CDYL2: variants seen among roughly 807,000 people sequenced by gnomAD.
The protein encoded by CDYL2 is chromodomain Y like 2, also known as chromodomain Y-like protein 2.
A neutral mutation model predicts 49.4 loss-of-function variants in CDYL2; 23 were observed. The ratio of observed to expected loss-of-function variants is 0.47; its 90% CI spans 0.34 to 0.66. CDYL2 has a LOEUF of 0.66. CDYL2 is among the 30% of genes least tolerant of loss of function. The pLI, the probability that CDYL2 is intolerant of heterozygous loss-of-function variation, is 0.01. For missense variants in CDYL2, 678 were observed against 656.4 expected (o/e 1.03, Z -0.36); for synonymous variants, 360 against 268.8 (o/e 1.34, Z -3.32).
At chr16:80,608,267 G>A (rs1332921262) in intron 5 of CDYL2, 32 bp from the exon 6 acceptor site, 1 of 1,531,842 alleles carries the variant, frequency 6.5e-7, no homozygotes, top group South Asian at 1.2e-5. Flanking sequence ...AAGACTGAGG[G>A]CCTGGAGGTC....
At chr16:80,688,274 T>C (rs967661222) in intron 1 of CDYL2, among the ~76,000 whole-genome samples, 2 of 152,162 alleles carry the variant, frequency 1.3e-5, no homozygotes, top group African/African-American at 4.8e-5. Flanking sequence ...CCAATACCAA[T>C]GATGAGCAGT....
intron 1 of CDYL2, among the ~76,000 whole-genome samples, chr16:80,716,076 A>G (rs1348222439): frequency 6.6e-6 from 1 of 152,250 alleles, no homozygotes; most frequent in Non-Finnish European, 1.5e-5. Context: ...ATAAGGATGA[A>G]AAGTCAGTCC....
At chr16:80,635,619 G>A (rs960687463) in intron 2 of CDYL2, among the ~76,000 whole-genome samples, 20 of 152,150 alleles carry the variant, frequency 1.3e-4, no homozygotes, top group African/African-American at 4.1e-4. Context: ...AATCAATATC[G>A]TAAAAATGGC....
chr16:80,770,087 A>G (rs867264681), intron 1 of CDYL2, among the ~76,000 whole-genome samples: 1 of 152,130 alleles, frequency 6.6e-6, no homozygotes, highest in Non-Finnish European at 1.5e-5. Flanking sequence ...AGACGAGTTA[A>G]AACAATTGTC....
intron 2 of CDYL2, among the ~76,000 whole-genome samples, chr16:80,660,692 ATAAAATAATAAAGATGTGTG>A (rs1395796204): frequency 6.6e-6 from 1 of 152,216 alleles, no homozygotes; most frequent in East Asian, 1.9e-4. Flanking sequence ...ATCACACTGG[ATAAAATAATAAAGATGTGTG>A]TAAGATTTCC....
At chr16:80,679,745 C>T (rs998225800) in intron 2 of CDYL2, 2 of 456,114 alleles carry the variant, frequency 4.4e-6, no homozygotes, top group African/African-American at 4.0e-5. Flanking sequence ...ACCTGGCAGG[C>T]ACAACACCAT....
chr16:80,636,349 A>G (rs530217014), intron 2 of CDYL2, among the ~76,000 whole-genome samples: 1 of 152,350 alleles, frequency 6.6e-6, no homozygotes, highest in African/African-American at 2.4e-5. Context: ...AAGGAACTTA[A>G]ACAAATTTAC....
At chr16:80,738,662 T>G (rs1337668108) in intron 1 of CDYL2, 1 of 152,192 alleles carries the variant, frequency 6.6e-6, no homozygotes, top group Non-Finnish European at 1.5e-5. Context: ...CTTTTTCAGG[T>G]GATAAAAATA....
chr16:80,604,368 G>A lies in CDYL2; in HGVS notation c.*20C>T, dbSNP rs780979924. On this transcript the variant is annotated 3_prime_UTR_variant, in exon 7 of 7. Coordinates refer to ENST00000570137, the MANE Select transcript of CDYL2 (RefSeq NM_152342.4). Reference sequence around the variant, plus strand: ...ACACAGGGCAGAGCTGGAAGTTGGGGGCCCGTGAGCTGGGGCCCCTCAGAC... The same window carrying A: ...ACACAGGGCAGAGCTGGAAGTTGGGAGCCCGTGAGCTGGGGCCCCTCAGAC... 1.2e-6 allele frequency: 2 copies of A among 1,613,484 alleles called. No homozygotes were observed. Among genetic ancestry groups the A allele is most frequent in the South Asian group, 1.1e-5 (1 of 91,012 alleles).
intron 2 of CDYL2, among the ~76,000 whole-genome samples, chr16:80,648,063 A>G (rs1908427032): frequency 1.3e-5 from 2 of 152,170 alleles, no homozygotes; most frequent in African/African-American, 4.8e-5. Context: ...AAAAAGAAGA[A>G]AAACTTCAAA....
intron 1 of CDYL2, among the ~76,000 whole-genome samples, chr16:80,769,901 C>T (rs890213385): frequency 1.3e-5 from 2 of 151,694 alleles, no homozygotes; most frequent in Non-Finnish European, 2.9e-5. Flanking sequence ...AATACCACAC[C>T]CACGAAATGG....
intron 1 of CDYL2, among the ~76,000 whole-genome samples, chr16:80,800,844 G>A (rs41338245): frequency 0.077 from 11,740 of 152,238 alleles, 491 homozygotes; most frequent in Middle Eastern, 0.12. Flanking sequence ...CTATCCCACT[G>A]ATTATTTCTT....
In CDYL2 at chr16:80,612,656, G is replaced by A. The variant is rs750001177; in HGVS notation, c.1188C>T (p.Tyr396=). 1.2e-6 allele frequency: 2 copies of A among 1,612,326 alleles called. No homozygotes were observed. Among genetic ancestry groups the A allele is most frequent in the Admixed American group, 1.7e-5 (1 of 59,940 alleles). The change falls in exon 5 of 7, where the codon TAC becomes TAT. Residue 396 remains tyrosine (Y), a synonymous_variant. Coordinates refer to ENST00000570137, the MANE Select transcript of CDYL2 (RefSeq NM_152342.4). This position sits in a 1 kb window ranked among gnomAD's most constrained non-coding sequence, Gnocchi z 5.0. ...CGACGCCCAGGATCTGGGGGAAGGT[G>A]TAGGAGGAGCAGCCAGCAGGCGTGA... ...IRLTPAGCSS[Y]TFPQILGVAL...
intron 1 of CDYL2, among the ~76,000 whole-genome samples, chr16:80,789,495 G>C (rs1907542054): frequency 6.6e-6 from 1 of 152,048 alleles, no homozygotes; most frequent in South Asian, 2.1e-4. Context: ...AGCTACTCAG[G>C]AGGCTGAGGC....
At chr16:80,774,741 T>G (rs1040666173) in intron 1 of CDYL2, among the ~76,000 whole-genome samples, 1 of 151,740 alleles carries the variant, frequency 6.6e-6, no homozygotes, top group Non-Finnish European at 1.5e-5. Context: ...ATCTGAAGAG[T>G]ATTTTCAACA....
At chr16:80,782,831 G>T (rs1054794694) in intron 1 of CDYL2, among the ~76,000 whole-genome samples, 2 of 152,006 alleles carry the variant, frequency 1.3e-5, no homozygotes, top group African/African-American at 4.8e-5. Flanking sequence ...TGAAAAACTA[G>T]TAATAAAATG....
intron 1 of CDYL2, among the ~76,000 whole-genome samples, chr16:80,687,570 C>CTGGA (rs907677865): frequency 8.6e-5 from 13 of 151,494 alleles, no homozygotes; most frequent in Non-Finnish European, 1.0e-4. Context: ...GGCTGGCTGG[C>CTGGA]TGGATGGATG....
At chr16:80,727,800 C>A (rs376863221) in intron 1 of CDYL2, among the ~76,000 whole-genome samples, 2 of 152,206 alleles carry the variant, frequency 1.3e-5, no homozygotes, top group Non-Finnish European at 2.9e-5. Context: ...CCCTAACCCC[C>A]GAGCAGCCTA....
intron 1 of CDYL2, among the ~76,000 whole-genome samples, chr16:80,779,276 G>C (rs1015726053): frequency 6.6e-6 from 1 of 151,964 alleles, no homozygotes; most frequent in African/African-American, 2.4e-5. Context: ...TGACAGACAA[G>C]AATTAAACCC....
Sources: gnomAD v4.1 joint callset for allele counts (sites outside exome capture counted in the v4.1 genomes callset) on GRCh38, gnomAD v4.1.1 for gene constraint, Gnocchi (gnomAD v3.1) non-coding constraint, MANE v1.5 for transcripts, NCBI Gene and HGNC (gene_info 2026-07-23, HGNC 2026-07-21) for gene names.